Variants in ZMAT4 observed in about 807,000 individuals in gnomAD.
ZMAT4 encodes the protein zinc finger matrin-type 4.
A neutral mutation model predicts 28.7 loss-of-function variants in ZMAT4; 17 were observed. The ratio of observed to expected loss-of-function variants is 0.59; its 90% CI spans 0.41 to 0.89. ZMAT4 has a LOEUF of 0.89. ZMAT4 is among the 40% of genes least tolerant of loss of function. The pLI is 0.00. For synonymous variants in ZMAT4, 117 were observed against 109.2 expected (o/e 1.07, Z -0.44); for missense variants, 240 against 283.8 (o/e 0.85, Z 1.11).
intron 1 of ZMAT4, among the ~76,000 whole-genome samples, chr8:40,830,799 AT>A (rs1816253202): frequency 6.6e-6 from 1 of 152,212 alleles, no homozygotes; most frequent in African/African-American, 2.4e-5. Flanking sequence ...AGGGAAAGAC[AT>A]TGGTTCAAAT....
At chr8:40,896,904 T>G (rs1181539778) in intron 1 of ZMAT4, among the ~76,000 whole-genome samples, 1 of 151,554 alleles carries the variant, frequency 6.6e-6, no homozygotes, top group Non-Finnish European at 1.5e-5. Context: ...CAGGCACCCC[T>G]TCTGGGGACA....
chr8:40,885,949 C>T (rs946138213), intron 1 of ZMAT4, among the ~76,000 whole-genome samples: 1 of 152,210 alleles, frequency 6.6e-6, no homozygotes, highest in Non-Finnish European at 1.5e-5. Context: ...TCCATCTCCC[C>T]CACTTGAATC....
chr8:40,660,651 C>T (rs1205417065), intron 5 of ZMAT4, among the ~76,000 whole-genome samples: 1 of 152,148 alleles, frequency 6.6e-6, no homozygotes, highest in South Asian at 2.1e-4. Flanking sequence ...TAGAGTCATA[C>T]AAAGGTTTCA....
At position 40,768,543 on chromosome 8, in the gene ZMAT4, C is replaced by T. The variant is rs146044127; in HGVS notation, c.103-813G>A. Reference sequence around the variant, plus strand: ...AGGCAGGATGGCGGAGTGAAAAGAACACTAAGAGTCATCACACATTCAGAA... The same window carrying T: ...AGGCAGGATGGCGGAGTGAAAAGAATACTAAGAGTCATCACACATTCAGAA... On this transcript the variant is annotated intron_variant, in intron 2 of 6. Transcript: ENST00000297737. 1.3e-4 allele frequency among the ~76,000 whole-genome samples: 20 copies of T among 152,262 alleles called. No homozygotes were observed. The East Asian group carries it at 3.5e-3, about 26-fold the overall frequency.
At chr8:40,874,614 A>C (rs1817977934) in intron 1 of ZMAT4, among the ~76,000 whole-genome samples, 1 of 152,170 alleles carries the variant, frequency 6.6e-6, no homozygotes, top group Non-Finnish European at 1.5e-5. Context: ...AAATTATGAA[A>C]ATTCTGCTTT....
At chr8:40,850,188 C>T (rs1388410682) in intron 1 of ZMAT4, among the ~76,000 whole-genome samples, 1 of 152,108 alleles carries the variant, frequency 6.6e-6, no homozygotes, top group African/African-American at 2.4e-5. Context: ...TCAATCAGAA[C>T]CCGGCCCTCC....
At chr8:40,786,357 A>G (rs1214287414) in intron 2 of ZMAT4, among the ~76,000 whole-genome samples, 20 of 152,222 alleles carry the variant, frequency 1.3e-4, no homozygotes, top group Admixed American at 1.3e-3. Context: ...TTCTACCAAA[A>G]AAAGAAAAAC....
chr8:40,855,106 T>C (rs1454138464), intron 1 of ZMAT4, among the ~76,000 whole-genome samples: 1 of 152,126 alleles, frequency 6.6e-6, no homozygotes, highest in Non-Finnish European at 1.5e-5. Context: ...GTTTTTGCAA[T>C]CCCCCGCTGT....
At chr8:40,740,990 G>GCA (rs1811977353) in intron 3 of ZMAT4, among the ~76,000 whole-genome samples, 1 of 86,162 alleles carries the variant, frequency 1.2e-5, no homozygotes, top group Admixed American at 1.4e-4. Context: ...TTTGATAAAT[G>GCA]CGCACACACA....
At chr8:40,801,352 A>AAAAAATATATATATATATATG (rs774919666) in intron 2 of ZMAT4, among the ~76,000 whole-genome samples, 4 of 72,146 alleles carry the variant, frequency 5.5e-5, no homozygotes, top group African/African-American at 1.8e-4. Context: ...AAAAAAAAAA[A>AAAAAATATATATATATATATG]TATATATATA....
intron 1 of ZMAT4, among the ~76,000 whole-genome samples, chr8:40,889,548 C>A (rs558286734): frequency 1.3e-5 from 2 of 152,166 alleles, no homozygotes; most frequent in Non-Finnish European, 2.9e-5. Flanking sequence ...GCAGTGATAA[C>A]CACCATGAAA....
intron 2 of ZMAT4, among the ~76,000 whole-genome samples, chr8:40,797,970 C>T (rs184477438): frequency 2.6e-5 from 4 of 152,334 alleles, no homozygotes; most frequent in Admixed American, 2.0e-4. Flanking sequence ...AAGGCAAGGT[C>T]CTAGGGAGGC....
chr8:40,737,160 T>C lies in ZMAT4; in HGVS notation c.192+30481A>G, dbSNP rs572731041. On this transcript the variant is annotated intron_variant, in intron 3 of 6. Coordinates refer to ENST00000297737, the MANE Select transcript of ZMAT4 (RefSeq NM_024645.3). ...ACCCATGGCTCAGGACAGCTTTGAA[T>C]GTGGCCCAACACAAATTTGTAAACT... Among the ~76,000 whole-genome samples, 344 of 152,214 alleles carry C rather than the reference T, an allele frequency of 2.3e-3. 3 individuals carry two copies. Among genetic ancestry groups the C allele is most frequent in the African/African-American group, 8.1e-3 (335 of 41,532 alleles).
intron 2 of ZMAT4, among the ~76,000 whole-genome samples, chr8:40,815,862 C>T (rs1016289842): frequency 3.6e-4 from 55 of 152,276 alleles, no homozygotes; most frequent in African/African-American, 1.3e-3. Context: ...ATTACCTCCC[C>T]GGCACTGTAA....
At chr8:40,755,548 G>A (rs1057042070) in intron 3 of ZMAT4, among the ~76,000 whole-genome samples, 3 of 152,108 alleles carry the variant, frequency 2.0e-5, no homozygotes, top group African/African-American at 7.2e-5. Context: ...CGCCTCCCGG[G>A]TTCAAGCAAT....
chr8:40,534,468 GA>G (rs896680229), intron 6 of ZMAT4, among the ~76,000 whole-genome samples: 76 of 152,156 alleles, frequency 5.0e-4, no homozygotes, highest in African/African-American at 1.8e-3. Context: ...AAGGCATAGG[GA>G]AAAAAATTCA....
At chr8:40,831,815 T>G (rs1816290955) in intron 1 of ZMAT4, among the ~76,000 whole-genome samples, 1 of 152,176 alleles carries the variant, frequency 6.6e-6, no homozygotes, top group South Asian at 2.1e-4. Context: ...ACTCTAACAA[T>G]GATCCCAACA....
intron 6 of ZMAT4, among the ~76,000 whole-genome samples, chr8:40,557,712 T>A (rs1206336910): frequency 6.6e-6 from 1 of 152,100 alleles, no homozygotes; most frequent in Non-Finnish European, 1.5e-5. Flanking sequence ...TTCCCAACAT[T>A]AGAGTGCAGT....
At chr8:40,645,280 A>C (rs2118784675) in intron 5 of ZMAT4, among the ~76,000 whole-genome samples, 1 of 152,258 alleles carries the variant, frequency 6.6e-6, no homozygotes, top group Admixed American at 6.5e-5. Context: ...GAAGATAAAT[A>C]AGACATGGAT....
Sources: gnomAD v4.1 joint callset for allele counts (sites outside exome capture counted in the v4.1 genomes callset) on GRCh38, gnomAD v4.1.1 for gene constraint, MANE v1.5 for transcripts, NCBI Gene and HGNC (gene_info 2026-07-23, HGNC 2026-07-21) for gene names.